The following ALKBH3 variants were observed in gnomAD, a reference collection of about 807,000 sequenced individuals.
ALKBH3 encodes alpha-ketoglutarate-dependent dioxygenase alkB homolog 3.
ALKBH3 carries 51 observed loss-of-function variants against 43.9 expected under a neutral mutation model. The observed-to-expected ratio is 1.16, with a 90% CI of 0.93 to 1.47. The LOEUF is 1.47. ALKBH3 is among the 40% of genes most tolerant of loss of function. ALKBH3 has a pLI of 0.00. For missense variants in ALKBH3, 361 were observed against 351.9 expected, an observed-to-expected ratio of 1.03 and a Z score of -0.21; for synonymous variants, 102 against 115.2, an observed-to-expected ratio of 0.89 and a Z score of 0.73.
intron 8 of ALKBH3, among the ~76,000 whole-genome samples, chr11:43,914,513 A>G (rs1451977478): frequency 6.6e-6 from 1 of 152,178 alleles, no homozygotes. Context: ...AACCACCACC[A>G]AAAAACAAAC....
intron 7 of ALKBH3, chr11:43,898,924 T>TGGTCCCCAAATCTCTCTACTGGACC (rs1951840479): frequency 1.3e-6 from 1 of 747,332 alleles, no homozygotes; most frequent in Admixed American, 1.8e-5. Flanking sequence ...GAGGGTGGAC[T>TGGTCCCCAAATCTCTCTACTGGACC]GGTCCCCAAA....
In ALKBH3 at chr11:43,892,087, TC is replaced by T. The variant is rs751480702; in HGVS notation, c.419del (p.Pro140LeufsTer22). 1 of 1,613,750 alleles carries T rather than the reference TC, an allele frequency of 6.2e-7. No individual in the cohort carries two copies. The highest frequency in any genetic ancestry group is 1.7e-5 in the Admixed American group (1 of 60,014). ...PRLTAWYGEL[P>X]YTYSRITMEP... is the part of the protein sequence containing the mutation. ...GACTTACAGCATGGTATGGAGAACT[TC>T]CTTACACTTATTCAAGAATCACTAT... On this transcript the variant is annotated frameshift_variant, in exon 7 of 10. Coordinates refer to ENST00000302708, the MANE Select transcript of ALKBH3 (RefSeq NM_139178.4). LOFTEE classifies it high-confidence loss of function.
chr11:43,911,426 TC>T (rs1419972693), intron 8 of ALKBH3, among the ~76,000 whole-genome samples: 1 of 152,144 alleles, frequency 6.6e-6, no homozygotes, highest in Non-Finnish European at 1.5e-5. Flanking sequence ...CTGGAGGAGT[TC>T]CTTCTTCTAC....
chr11:43,918,789 C>A (rs1006145467), intron 8 of ALKBH3: 1 of 430,210 alleles, frequency 2.3e-6, no homozygotes, highest in Non-Finnish European at 4.1e-6. Context: ...CATATTCTAT[C>A]AATGGAGGCT....
intron 8 of ALKBH3, among the ~76,000 whole-genome samples, chr11:43,914,772 CA>C (rs1951969356): frequency 6.6e-6 from 1 of 151,908 alleles, no homozygotes; most frequent in Admixed American, 6.6e-5. Flanking sequence ...AAAAGTATGA[CA>C]AACAAATGCC....
intron 3 of ALKBH3, 92 bp from the exon 4 acceptor site, chr11:43,883,891 T>A: frequency 1.3e-6 from 2 of 1,505,848 alleles, no homozygotes; most frequent in South Asian, 2.4e-5. Flanking sequence ...AGTTTTTAAC[T>A]TTATTTTGAC....
chr11:43,912,451 A>T (rs1010322592), intron 8 of ALKBH3: 1 of 152,228 alleles, frequency 6.6e-6, no homozygotes, highest in Non-Finnish European at 1.5e-5. Context: ...AGAAATTAAT[A>T]ATAGTTACTG....
At chr11:43,919,851 T>C in intron 9 of ALKBH3, 67 bp from the exon 10 acceptor site, 1 of 1,402,826 alleles carries the variant, frequency 7.1e-7, no homozygotes, top group Non-Finnish European at 1.0e-6. Context: ...GAATAAGTTT[T>C]AAGTCGCTTT....
chr11:43,919,058 A>T lies in ALKBH3; in HGVS notation c.690A>T (p.Thr230=). The T allele has an allele frequency of 6.2e-7, 1 of 1,610,558 alleles. No individual in the cohort carries two copies. The highest frequency in any genetic ancestry group is 8.5e-7 in the Non-Finnish European group (1 of 1,176,736). ...TCTAGGAAGAGAATGGAGACTACAC[A>T]TATGTGGAAAGAGTGAAGATACCCT... The part of the protein sequence containing the change: ...KPPPEENGDY[T]YVERVKIPLD... Residue 230 remains threonine (T), a synonymous_variant, in exon 9 of 10, where the codon ACA becomes ACT. Transcript: ENST00000302708.
intron 9 of ALKBH3, chr11:43,919,527 CA>C: frequency 3.6e-6 from 1 of 277,570 alleles, no homozygotes; most frequent in South Asian, 6.1e-5. Context: ...GCAGCTAGGC[CA>C]TGCCATTTTT....
chr11:43,900,109 C>T (rs952265462), intron 7 of ALKBH3, among the ~76,000 whole-genome samples: 1 of 150,724 alleles, frequency 6.6e-6, no homozygotes, highest in Non-Finnish European at 1.5e-5. Context: ...TCACCCTTCT[C>T]ATCAATTATT....
At chr11:43,884,090 T>C in intron 4 of ALKBH3, 73 bp downstream of exon 4, 1 of 1,565,800 alleles carries the variant, frequency 6.4e-7, no homozygotes, top group East Asian at 2.3e-5. Flanking sequence ...TCCTCACTGT[T>C]TTTTCTATCT....
intron 8 of ALKBH3, among the ~76,000 whole-genome samples, chr11:43,910,701 T>C (rs979860600): frequency 2.6e-5 from 4 of 152,214 alleles, no homozygotes; most frequent in Non-Finnish European, 5.9e-5. Flanking sequence ...AATTCTTTCT[T>C]GAACTATCTA....
chr11:43,913,299 G>T (rs1017721485), intron 8 of ALKBH3, among the ~76,000 whole-genome samples: 1 of 151,864 alleles, frequency 6.6e-6, no homozygotes, highest in Admixed American at 6.6e-5. Context: ...TCATCACCCG[G>T]CTAATAAGCA....
chr11:43,899,459 G>T, intron 7 of ALKBH3: 1 of 704,180 alleles, frequency 1.4e-6, no homozygotes. Flanking sequence ...GGATTTCAGA[G>T]GTTCCATGAC....
At chr11:43,907,614 T>G (rs1951904985) in intron 8 of ALKBH3, among the ~76,000 whole-genome samples, 1 of 152,150 alleles carries the variant, frequency 6.6e-6, no homozygotes, top group Non-Finnish European at 1.5e-5. Flanking sequence ...ATCTGGTGAT[T>G]TTTTTCATCT....
At chr11:43,908,844 T>C (rs1951915639) in intron 8 of ALKBH3, among the ~76,000 whole-genome samples, 1 of 152,246 alleles carries the variant, frequency 6.6e-6, no homozygotes, top group African/African-American at 2.4e-5. Flanking sequence ...TAGTTTGTGC[T>C]GTCGATGCCT....
chr11:43,886,326 T>C (rs551387643), intron 4 of ALKBH3, among the ~76,000 whole-genome samples: 1 of 152,292 alleles, frequency 6.6e-6, no homozygotes, highest in East Asian at 1.9e-4. Flanking sequence ...CTGGACCATA[T>C]CTGCCTCAAT....
chr11:43,899,770 A>G (rs1361010211), intron 7 of ALKBH3: 1 of 215,114 alleles, frequency 4.6e-6, no homozygotes, highest in African/African-American at 2.3e-5. Flanking sequence ...CTCAACAGCC[A>G]TAGATTTTGT....
Sources: gnomAD v4.1 joint callset for allele counts (sites outside exome capture counted in the v4.1 genomes callset) on GRCh38, gnomAD v4.1.1 for gene constraint, MANE v1.5 for transcripts, NCBI Gene and HGNC (gene_info 2026-07-23, HGNC 2026-07-21) for gene names.